Variants in KIF2A observed in about 807,000 individuals in gnomAD.
The protein encoded by KIF2A is kinesin-like protein KIF2A.
KIF2A carries 22 observed loss-of-function variants against 100.2 expected under a neutral mutation model. The observed-to-expected ratio is 0.22, with a 90% CI of 0.16 to 0.31. KIF2A has a LOEUF of 0.31. KIF2A is among the 10% of genes least tolerant of loss of function. The probability of loss-of-function intolerance (pLI) is 1.00; values close to 1 mark genes in which losing one functional copy is unlikely to be tolerated. For missense variants in KIF2A, 495 were observed against 898.7 expected (o/e 0.55, Z 5.74); for synonymous variants, 268 against 285.9 (o/e 0.94, Z 0.63).
chr5:62,330,826 G>A (rs1307012279), intron 1 of KIF2A, among the ~76,000 whole-genome samples: 1 of 152,076 alleles, frequency 6.6e-6, no homozygotes, highest in African/African-American at 2.4e-5. Flanking sequence ...TTATTGGCAG[G>A]TAAGCTAGAT....
At position 62,306,391 on chromosome 5, in the gene KIF2A, C is replaced by A; in HGVS notation, c.-82C>A. 1 of 889,772 alleles carries A rather than the reference C, an allele frequency of 1.1e-6. No homozygotes were observed. Among genetic ancestry groups the A allele is most frequent in the Non-Finnish European group, 1.7e-6 (1 of 576,318 alleles). The allele number at this position is 889,772 out of a possible 1,614,324, so 55.1% of individuals were successfully genotyped here. On this transcript the variant is annotated 5_prime_UTR_variant, in exon 1 of 21. Transcript: ENST00000407818. The stretch of plus-strand genomic sequence containing the variant: ...GGCCGCGGGCAACCGCTCCCCCTCC[C>A]ACACCTACCCCGCCCCCTCCCCGCC...
At chr5:62,344,628 T>C (rs1747464349) in intron 1 of KIF2A, among the ~76,000 whole-genome samples, 1 of 152,200 alleles carries the variant, frequency 6.6e-6, no homozygotes, top group African/African-American at 2.4e-5. Context: ...ATTCTCCTTC[T>C]AGAAATTTTA....
intron 2 of KIF2A, among the ~76,000 whole-genome samples, chr5:62,347,682 G>A (rs1747643485): frequency 6.6e-6 from 1 of 152,026 alleles, no homozygotes; most frequent in African/African-American, 2.4e-5. Context: ...CTGGAGTGCA[G>A]TGTCATGATC....
At chr5:62,357,572 C>T in intron 7 of KIF2A, 119 bp from the exon 8 acceptor site, 1 of 478,126 alleles carries the variant, frequency 2.1e-6, no homozygotes, top group Non-Finnish European at 3.6e-6. Context: ...TTTAAGCTTA[C>T]CTATCATTTA....
At chr5:62,352,875 T>C (rs922258818) in intron 5 of KIF2A, 165 bp downstream of exon 5, 2 of 544,402 alleles carry the variant, frequency 3.7e-6, no homozygotes, top group African/African-American at 4.0e-5. Context: ...AGTCTGTTAA[T>C]TGGGTTTTTT....
chr5:62,365,218 T>G, intron 14 of KIF2A, 25 bp from the exon 15 acceptor site: 336 of 1,191,196 alleles, frequency 2.8e-4, no homozygotes, highest in Non-Finnish European at 3.7e-4. Context: ...GACTAATCTG[T>G]GAGACTTGTT....
At chr5:62,337,773 C>T (rs1027375244) in intron 1 of KIF2A, among the ~76,000 whole-genome samples, 5 of 139,218 alleles carry the variant, frequency 3.6e-5, no homozygotes, top group East Asian at 4.2e-4. Context: ...ATCACACCAC[C>T]GTACTTCAGC....
chr5:62,316,815 G>C (rs1745839265), intron 1 of KIF2A, among the ~76,000 whole-genome samples: 1 of 152,074 alleles, frequency 6.6e-6, no homozygotes, highest in African/African-American at 2.4e-5. Flanking sequence ...AGGTTGGGGA[G>C]GAGAGGATGC....
chr5:62,358,423 A>G, intron 9 of KIF2A, 124 bp downstream of exon 9: 2 of 602,490 alleles, frequency 3.3e-6, no homozygotes, highest in Non-Finnish European at 5.7e-6. Context: ...TTCTGAGTTT[A>G]AACAAAGAGA....
rs572338484 is a variant in KIF2A at position 62,323,198 on chromosome 5, G to A, written c.64+16662G>A. Among the ~76,000 whole-genome samples, 10 of 150,874 alleles carry A rather than the reference G, an allele frequency of 6.6e-5. 1 individual carries two copies. The South Asian group carries it at 1.7e-3, about 25-fold the overall frequency. On this transcript the variant is annotated intron_variant, in intron 1 of 20. Transcript: ENST00000407818. ...TTGAACCCGTGAGGTGGAGGTTGCC[G>A]TGAGCCAAGATCACGCCATTGCACT...
At chr5:62,349,955 T>G (rs1747767007) in intron 3 of KIF2A, 111 bp from the exon 4 acceptor site, 1 of 652,948 alleles carries the variant, frequency 1.5e-6, no homozygotes, top group Non-Finnish European at 2.6e-6. Flanking sequence ...TTCATTTTGT[T>G]TTATATTCTT....
intron 20 of KIF2A, among the ~76,000 whole-genome samples, chr5:62,384,343 C>T (rs774847515): frequency 3.3e-5 from 5 of 152,204 alleles, no homozygotes; most frequent in Non-Finnish European, 5.9e-5. Flanking sequence ...TTAAACATCA[C>T]TGTACTTTCA....
intron 19 of KIF2A, among the ~76,000 whole-genome samples, chr5:62,379,226 T>A (rs1042824898): frequency 2.6e-5 from 4 of 152,214 alleles, no homozygotes; most frequent in Non-Finnish European, 5.9e-5. Context: ...TGTTTATTGG[T>A]AAAATTAGGT....
At chr5:62,307,516 C>T (rs558530490) in intron 1 of KIF2A, among the ~76,000 whole-genome samples, 4 of 151,934 alleles carry the variant, frequency 2.6e-5, no homozygotes, top group East Asian at 1.9e-4. Flanking sequence ...AATAAATGCA[C>T]GGAGGGAGAT....
intron 16 of KIF2A, 131 bp from the exon 17 acceptor site, chr5:62,372,307 C>A (rs913414393): frequency 1.1e-5 from 7 of 636,666 alleles, no homozygotes; most frequent in Admixed American, 3.1e-5. Context: ...AAATAATATT[C>A]TAAATACATT....
Position 62,385,466 on chromosome 5 carries a change from TTC to T in KIF2A, c.2150-16_2150-15del, listed in dbSNP as rs1427493711. ...GTGTAATACAATACTTATTCCCTCT[TTC>T]TTTTCTTTTTCCAAGATAAAGTGAA... On this transcript the variant is annotated splice_polypyrimidine_tract_variant and intron_variant, in intron 20 of 20. Coordinates refer to ENST00000407818, the MANE Select transcript of KIF2A (RefSeq NM_001098511.3). 5.2e-6 allele frequency: 8 copies of T among 1,538,470 alleles called. No homozygotes were observed. The highest frequency in any genetic ancestry group is 7.1e-6 in the Non-Finnish European group (8 of 1,132,516).
intron 1 of KIF2A, among the ~76,000 whole-genome samples, chr5:62,323,388 C>T (rs1288654532): frequency 5.3e-4 from 80 of 151,546 alleles, no homozygotes; most frequent in Non-Finnish European, 1.5e-4. Flanking sequence ...CCGGGCGCGG[C>T]GGCGGGCGCC....
In KIF2A at chr5:62,366,291, A is replaced by G. The variant is rs569517722; in HGVS notation, c.1579-123A>G. 3.2e-4 allele frequency: 215 copies of G among 667,804 alleles called. No homozygotes were observed. The African/African-American group carries it at 3.4e-3, about 11-fold the overall frequency. The allele number at this position is 667,804 out of a possible 1,614,324, so 41.4% of individuals were successfully genotyped here. The stretch of plus-strand genomic sequence containing the variant: ...CAAATAATCTTGGAGTTGAGATATC[A>G]TTAATAAGTCTTTATTTTTAAATAA... On this transcript the variant is annotated intron_variant, in intron 15 of 20. Transcript: ENST00000407818.
rs987195033 is a variant in KIF2A at position 62,388,045 on chromosome 5, C to T, written c.*2476C>T. 5 of 152,042 alleles carry T rather than the reference C, an allele frequency of 3.3e-5. No individual in the cohort carries two copies. The highest frequency in any genetic ancestry group is 1.2e-4 in the African/African-American group (5 of 41,392). The allele number at this position is 152,042 out of a possible 1,614,324, so 9.4% of individuals were successfully genotyped here. On this transcript the variant is annotated 3_prime_UTR_variant, in exon 21 of 21. Transcript: ENST00000407818. ...TTAACAGCACTTAGTATTATATTGA[C>T]TTAAACATAGTAGCTAATAAAACTA...
Sources: allele counts gnomAD v4.1 joint callset (sites outside exome capture counted in the v4.1 genomes callset), GRCh38; gene constraint gnomAD v4.1.1; transcripts MANE v1.5; gene names NCBI Gene and HGNC (gene_info 2026-07-23, HGNC 2026-07-21).